The following CSMD1 variants were observed in gnomAD, a reference collection of about 807,000 sequenced individuals.
CSMD1 encodes CUB and Sushi multiple domains 1.
Under a neutral mutation model 417.5 loss-of-function variants are expected in CSMD1, and 213 were observed. That is an observed-to-expected ratio of 0.51 (90% CI 0.46 to 0.57). CSMD1 has a LOEUF of 0.57. CSMD1 is among the 20% of genes least tolerant of loss of function. The pLI is 0.00. For missense variants in CSMD1, 6,923 were observed against 4,529.7 expected, an observed-to-expected ratio of 1.53 and a Z score of -15.17; for synonymous variants, 2,862 against 1,736.8, an observed-to-expected ratio of 1.65 and a Z score of -16.11.
chr8:4,874,872 T>C (rs1177588470), intron 1 of CSMD1, among the ~76,000 whole-genome samples: 1 of 148,312 alleles, frequency 6.7e-6, no homozygotes, highest in Non-Finnish European at 1.5e-5. Context: ...GTATAGTGTA[T>C]ATATAGTATA....
intron 2 of CSMD1, among the ~76,000 whole-genome samples, chr8:4,484,120 T>C (rs1443299697): frequency 5.3e-5 from 8 of 151,772 alleles, no homozygotes; most frequent in African/African-American, 1.9e-4. Flanking sequence ...GGTCATGAGG[T>C]TCCACAACAA....
At chr8:4,550,833 C>G (rs370407888) in intron 2 of CSMD1, among the ~76,000 whole-genome samples, 2 of 152,284 alleles carry the variant, frequency 1.3e-5, no homozygotes, top group South Asian at 4.1e-4. Flanking sequence ...CAAGTCGACA[C>G]AGAAATGGAA....
intron 7 of CSMD1, among the ~76,000 whole-genome samples, chr8:3,635,127 C>A (rs778065116): frequency 2.7e-4 from 41 of 152,020 alleles, no homozygotes; most frequent in Non-Finnish European, 4.9e-4. Context: ...CTGGGTGACT[C>A]AGTAAGTGGA....
intron 3 of CSMD1, among the ~76,000 whole-genome samples, chr8:4,269,162 T>A (rs1395630401): frequency 6.6e-6 from 1 of 152,166 alleles, no homozygotes; most frequent in Non-Finnish European, 1.5e-5. Context: ...GTTTAAACCA[T>A]GGTCCTGCCT....
intron 3 of CSMD1, among the ~76,000 whole-genome samples, chr8:4,049,841 G>C (rs935051997): frequency 6.6e-6 from 1 of 152,068 alleles, no homozygotes. Context: ...ACCAATATTG[G>C]CATATTCTTC....
chr8:4,544,957 ATGTCACTTGT>A (rs1797565824), intron 2 of CSMD1, among the ~76,000 whole-genome samples: 1 of 152,188 alleles, frequency 6.6e-6, no homozygotes, highest in Non-Finnish European at 1.5e-5. Flanking sequence ...AAAACATAAT[ATGTCACTTGT>A]TGTCTATAAG....
chr8:3,065,942 C>A (rs1367232134), intron 49 of CSMD1, among the ~76,000 whole-genome samples: 1 of 152,036 alleles, frequency 6.6e-6, no homozygotes, highest in Non-Finnish European at 1.5e-5. Context: ...ACTAAGCCAG[C>A]CAGAGTCTTT....
chr8:4,463,115 G>A (rs1377162175), intron 2 of CSMD1, among the ~76,000 whole-genome samples: 1 of 152,132 alleles, frequency 6.6e-6, no homozygotes, highest in East Asian at 1.9e-4. Context: ...AAATTACCAA[G>A]TATGGGCACA....
chr8:3,245,291 G>C (rs568538218), intron 26 of CSMD1, among the ~76,000 whole-genome samples: 1 of 152,232 alleles, frequency 6.6e-6, no homozygotes, highest in South Asian at 2.1e-4. Context: ...AGCACCTCCA[G>C]TTCCTTCCGG....
intron 10 of CSMD1, among the ~76,000 whole-genome samples, chr8:3,563,213 G>T (rs751353547): frequency 1.3e-5 from 2 of 151,710 alleles, no homozygotes; most frequent in Non-Finnish European, 2.9e-5. Context: ...GTTTTCTAAT[G>T]TCTTCCTTCT....
At chr8:3,483,332 A>T (rs984642933) in intron 11 of CSMD1, among the ~76,000 whole-genome samples, 1 of 152,088 alleles carries the variant, frequency 6.6e-6, no homozygotes, top group African/African-American at 2.4e-5. Context: ...CATCACAAAG[A>T]TAATAAGGAA....
chr8:4,985,522 CA>C (rs1377136327), intron 1 of CSMD1, among the ~76,000 whole-genome samples: 1 of 152,086 alleles, frequency 6.6e-6, no homozygotes, highest in Non-Finnish European at 1.5e-5. Context: ...CAAGTCTTCC[CA>C]ATTCTCTTCC....
chr8:4,687,779 C>T (rs1457162297), intron 1 of CSMD1, among the ~76,000 whole-genome samples: 1 of 152,010 alleles, frequency 6.6e-6, no homozygotes, highest in African/African-American at 2.4e-5. Context: ...CCCTCCTTCA[C>T]TAATGATTTC....
At chr8:4,920,841 CGAAAG>C (rs1806388743) in intron 1 of CSMD1, among the ~76,000 whole-genome samples, 1 of 70,352 alleles carries the variant, frequency 1.4e-5, no homozygotes, top group Non-Finnish European at 2.6e-5. Flanking sequence ...AAAAAGAGAA[CGAAAG>C]AAAAGAAAAG....
chr8:3,203,317 C>T (rs895942845), intron 31 of CSMD1, among the ~76,000 whole-genome samples: 5 of 152,128 alleles, frequency 3.3e-5, no homozygotes, highest in Non-Finnish European at 5.9e-5. Context: ...GGTTCTAACC[C>T]GTCACACACA....
At chr8:3,688,846 T>C (rs1428122277) in intron 7 of CSMD1, among the ~76,000 whole-genome samples, 2 of 151,982 alleles carry the variant, frequency 1.3e-5, no homozygotes, top group East Asian at 3.9e-4. Context: ...CTGATAGCAA[T>C]CAATTAAAAA....
intron 41 of CSMD1, among the ~76,000 whole-genome samples, chr8:3,119,404 A>C (rs78984666): frequency 0.086 from 12,634 of 147,036 alleles, 1,044 homozygotes; most frequent in East Asian, 0.41. Flanking sequence ...AAAAAAAAAA[A>C]AAAAAAAACA....
intron 3 of CSMD1, among the ~76,000 whole-genome samples, chr8:4,257,217 A>G (rs981117188): frequency 5.9e-5 from 9 of 152,166 alleles, no homozygotes; most frequent in Non-Finnish European, 1.2e-4. Flanking sequence ...AGTTTTATTG[A>G]AAGAGACTAA....
chr8:4,366,346 C>G (rs952934313), intron 3 of CSMD1, among the ~76,000 whole-genome samples: 2 of 152,016 alleles, frequency 1.3e-5, no homozygotes, highest in East Asian at 1.9e-4. Flanking sequence ...AACATCGTGG[C>G]TGATTCCACG....
Sources: allele counts gnomAD v4.1 joint callset (sites outside exome capture counted in the v4.1 genomes callset), GRCh38; gene constraint gnomAD v4.1.1; transcripts MANE v1.5; gene names NCBI Gene and HGNC (gene_info 2026-07-23, HGNC 2026-07-21).